Variants in OTOGL observed in about 807,000 individuals in gnomAD.
OTOGL encodes otogelin-like protein.
OTOGL carries 285 observed loss-of-function variants against 318.5 expected under a neutral mutation model. The ratio of observed to expected loss-of-function variants is 0.89; its 90% CI spans 0.81 to 0.99. The LOEUF (loss-of-function observed/expected upper bound fraction) is 0.99, where lower values mean the gene tolerates loss of function less well. Ranked by LOEUF, OTOGL falls within the 50% of genes least tolerant of loss-of-function variation. The probability of loss-of-function intolerance (pLI) is 0.00; values close to 1 mark genes in which losing one functional copy is unlikely to be tolerated. For synonymous variants in OTOGL, 987 were observed against 936.5 expected, an observed-to-expected ratio of 1.05 and a Z score of -0.99; for missense variants, 2,899 against 2,845.6, an observed-to-expected ratio of 1.02 and a Z score of -0.43.
Position 80,320,504 on chromosome 12 carries a change from G to A in OTOGL, c.3885G>A (p.Glu1295=). ...ATGACAATGATACTCTTAGCTTGGA[G>A]CTGTGGGAGGCGAATTCAGCCTTTC... The part of the protein sequence containing the change: ...YVHDNDTLSL[E]LWEANSAFHR... The change falls in exon 34 of 59, where the codon GAG becomes GAA. Residue 1295 remains glutamate, a synonymous_variant. Transcript: ENST00000547103. The A allele has an allele frequency of 6.2e-7, 1 of 1,613,634 alleles. No homozygotes were observed. The highest frequency in any genetic ancestry group is 8.5e-7 in the Non-Finnish European group (1 of 1,179,738).
At chr12:80,358,387 G>A in intron 50 of OTOGL, 38 bp downstream of exon 50, 1 of 1,471,298 alleles carries the variant, frequency 6.8e-7, no homozygotes, top group Non-Finnish European at 9.3e-7. Context: ...ATTTAGATGT[G>A]TCCAATGTTT....
intron 34 of OTOGL, among the ~76,000 whole-genome samples, chr12:80,322,805 C>T (rs1223274531): frequency 6.6e-6 from 1 of 152,128 alleles, no homozygotes; most frequent in East Asian, 1.9e-4. Context: ...TCAAACAATA[C>T]TTATCTGGTA....
chr12:80,119,430 T>A (rs567375259), intron 1 of OTOGL, among the ~76,000 whole-genome samples: 3 of 152,352 alleles, frequency 2.0e-5, no homozygotes, highest in African/African-American at 7.2e-5. Flanking sequence ...GCTAGTGTTA[T>A]AATTGCAATG....
chr12:80,128,624 C>T (rs951490754), intron 1 of OTOGL, among the ~76,000 whole-genome samples: 3 of 152,188 alleles, frequency 2.0e-5, no homozygotes, highest in Admixed American at 6.5e-5. Context: ...TTTGGCTATG[C>T]CCTGCCCACA....
At chr12:80,367,450 GA>G in intron 53 of OTOGL, 110 bp from the exon 54 acceptor site, 1 of 784,796 alleles carries the variant, frequency 1.3e-6, no homozygotes, top group Non-Finnish European at 1.8e-6. Flanking sequence ...CATTAGTTTT[GA>G]AAAATTGGCA....
At chr12:80,166,194 C>CCTCTCTCT (rs3045762) in intron 1 of OTOGL, among the ~76,000 whole-genome samples, 13 of 147,622 alleles carry the variant, frequency 8.8e-5, no homozygotes, top group South Asian at 8.7e-4. Flanking sequence ...CTCCCTTCTT[C>CCTCTCTCT]CTCTCTCTCT....
chr12:80,152,398 G>A (rs1481148288), intron 1 of OTOGL, among the ~76,000 whole-genome samples: 1 of 152,194 alleles, frequency 6.6e-6, no homozygotes, highest in Non-Finnish European at 1.5e-5. Context: ...GGAAGATGCT[G>A]AGATCTTCCC....
intron 29 of OTOGL, among the ~76,000 whole-genome samples, chr12:80,306,814 TATTA>T (rs772691539): frequency 6.7e-6 from 1 of 148,982 alleles, no homozygotes; most frequent in Admixed American, 6.7e-5. Context: ...TTATTATTAT[TATTA>T]TTTTTTAATT....
In OTOGL at chr12:80,305,612, T is replaced by C. The variant is rs779190712; in HGVS notation, c.3250T>C (p.Cys1084Arg). 6.3e-7 allele frequency: 1 copy of C among 1,574,932 alleles called. No homozygotes were observed. The highest frequency in any genetic ancestry group is 1.2e-5 in the South Asian group (1 of 85,110). The stretch of plus-strand genomic sequence containing the variant: ...AGGATTGTGTGGAAACTTTGACAAA[T>C]GCACTTCAAATGATATGACCACATC... ...LSGLCGNFDK[C>R]TSNDMTTSNN... Residue 1084 changes from cysteine to arginine, a missense_variant, in exon 29 of 59, where the codon TGC becomes CGC. By Grantham distance (180) the Cys-to-Arg change is radical. Transcript: ENST00000547103.
chr12:80,167,885 TTATCTC>T (rs1873927810), intron 1 of OTOGL, among the ~76,000 whole-genome samples: 1 of 152,232 alleles, frequency 6.6e-6, no homozygotes, highest in East Asian at 1.9e-4. Context: ...CACTTGAGAA[TTATCTC>T]TCATAATCCT....
intron 12 of OTOGL, 132 bp from the exon 13 acceptor site, chr12:80,251,944 C>A: frequency 1.8e-6 from 2 of 1,139,658 alleles, no homozygotes; most frequent in Non-Finnish European, 2.3e-6. Context: ...CTTTTTGAAA[C>A]AAGTATGCAA....
At position 80,372,039 on chromosome 12, in the gene OTOGL, T is replaced by G. The variant is rs1226739910; in HGVS notation, c.6756T>G (p.Leu2252=). The change falls in exon 57 of 59, where the codon CTT becomes CTG. Residue 2252 remains leucine (L), a synonymous_variant. Transcript: ENST00000547103. ...TCTAGAATGAAGGGATTGTGAAGCT[T>G]TATAATGAAGGCTGTTGCAAGATCT... ...ECKMNEGIVK[L]YNEGCCKICK... The G allele has an allele frequency of 6.4e-7, 1 of 1,557,174 alleles. No homozygotes were observed. The highest frequency in any genetic ancestry group is 1.4e-5 in the African/African-American group (1 of 72,906).
At chr12:80,111,842 TGG>T (rs1351102788) in intron 1 of OTOGL, among the ~76,000 whole-genome samples, 1 of 152,234 alleles carries the variant, frequency 6.6e-6, no homozygotes, top group Non-Finnish European at 1.5e-5. Flanking sequence ...CTGGGCAGTA[TGG>T]CCATTTTCAC....
At chr12:80,187,374 C>T (rs1875365613) in intron 1 of OTOGL, among the ~76,000 whole-genome samples, 1 of 151,962 alleles carries the variant, frequency 6.6e-6, no homozygotes, top group Admixed American at 6.6e-5. Context: ...AATCTGTGGC[C>T]ATACCTGAGC....
intron 1 of OTOGL, among the ~76,000 whole-genome samples, chr12:80,108,599 C>T (rs1189030911): frequency 6.6e-6 from 1 of 150,890 alleles, no homozygotes; most frequent in Non-Finnish European, 1.5e-5. Flanking sequence ...AAATTTTCAC[C>T]CAATGCTTTT....
intron 4 of OTOGL, among the ~76,000 whole-genome samples, chr12:80,214,931 A>C (rs192430742): frequency 5.3e-5 from 8 of 152,308 alleles, no homozygotes; most frequent in African/African-American, 9.6e-5. Flanking sequence ...TGCATGTCAC[A>C]CCTTAGCCTT....
intron 34 of OTOGL, among the ~76,000 whole-genome samples, chr12:80,322,276 G>A (rs909341920): frequency 2.6e-5 from 4 of 152,122 alleles, no homozygotes; most frequent in Admixed American, 6.5e-5. Flanking sequence ...TTTACCTACC[G>A]TTGACCTTTA....
chr12:80,251,587 C>T (rs981598758), intron 11 of OTOGL, 106 bp from the exon 12 acceptor site: 9 of 737,288 alleles, frequency 1.2e-5, no homozygotes, highest in Admixed American at 2.9e-5. Flanking sequence ...CAATTAACAT[C>T]GGAGTATTCA....
At chr12:80,235,467 C>CAA (rs10600987) in intron 9 of OTOGL, among the ~76,000 whole-genome samples, 6 of 86,928 alleles carry the variant, frequency 6.9e-5, no homozygotes, top group South Asian at 4.3e-4. Flanking sequence ...GACTCTGTCT[C>CAA]AAAAAAAAAA....
Sources: allele counts gnomAD v4.1 joint callset (sites outside exome capture counted in the v4.1 genomes callset), GRCh38; gene constraint gnomAD v4.1.1; transcripts MANE v1.5; gene names NCBI Gene and HGNC (gene_info 2026-07-23, HGNC 2026-07-21).